The following VSIR variants were observed in gnomAD, a reference collection of about 807,000 sequenced individuals.
VSIR encodes the protein V-type immunoglobulin domain-containing suppressor of T-cell activation.
VSIR carries 10 observed loss-of-function variants against 31.0 expected under a neutral mutation model. That is an observed-to-expected ratio of 0.32 (90% CI 0.20 to 0.55). The LOEUF (loss-of-function observed/expected upper bound fraction) is 0.55. Ranked by LOEUF, VSIR falls within the 20% of genes least tolerant of loss-of-function variation. The pLI is 0.93. For missense variants in VSIR, 356 were observed against 416.2 expected, an observed-to-expected ratio of 0.86 and a Z score of 1.26; for synonymous variants, 179 against 180.1, an observed-to-expected ratio of 0.99 and a Z score of 0.05.
At chr10:71,762,528 C>T (rs1278896790) in intron 1 of VSIR, among the ~76,000 whole-genome samples, 1 of 152,264 alleles carries the variant, frequency 6.6e-6, no homozygotes, top group Non-Finnish European at 1.5e-5. Context: ...CTGCATCTCA[C>T]CTGCATGCTG....
In VSIR at chr10:71,755,387, G is replaced by A. The variant is rs1840111055; in HGVS notation, c.648C>T (p.Tyr216=). 1 of 1,613,198 alleles carries A rather than the reference G, an allele frequency of 6.2e-7. No homozygotes were observed. Residue 216 remains tyrosine, a synonymous_variant, in exon 4 of 7, where the codon TAC becomes TAT. Coordinates refer to ENST00000394957, the MANE Select transcript of VSIR (RefSeq NM_022153.2). ...LCLPLILLLV[Y]KQRQAASNRR... Reference sequence around the variant, plus strand: ...GGTTGGAGGCTGCCTGCCTTTGCTTGTAGACCAGGAGCAGGATGAGGGGGA... The same window carrying A: ...GGTTGGAGGCTGCCTGCCTTTGCTTATAGACCAGGAGCAGGATGAGGGGGA...
In VSIR at chr10:71,760,020, CAT is replaced by C. The variant is rs1176056853; in HGVS notation, c.568+846_568+847del. ...ACACATACATATATATACACACACA[CAT>C]ATATACACACACACACATATATACA... On this transcript the variant is annotated intron_variant, in intron 3 of 6. Coordinates refer to ENST00000394957, the MANE Select transcript of VSIR (RefSeq NM_022153.2). Among the ~76,000 whole-genome samples the C allele has an allele frequency of 3.4e-4, 31 of 91,280 alleles. 3 individuals are homozygous for C. In the East Asian group the frequency reaches 4.1e-3, roughly 12 times the overall value. 59.9% of individuals were successfully genotyped at this position (91,280 alleles called of 152,430 possible). A position where few individuals can be genotyped will look rare whatever the true frequency, so the allele number is the denominator to read the frequency against.
Position 71,749,410 on chromosome 10 carries a change from G to A in VSIR, c.*1843C>T, listed in dbSNP as rs1407465563. 1 of 152,192 alleles carries A rather than the reference G, an allele frequency of 6.6e-6. No individual in the cohort carries two copies. The highest frequency in any genetic ancestry group is 1.5e-5 in the Non-Finnish European group (1 of 68,066). The allele number at this position is 152,192 out of a possible 1,614,324, so 9.4% of individuals were successfully genotyped here. Reference sequence around the variant, plus strand: ...CAGCCTTGAACACCTGGGCTTAAGCGGTCCTTCCACCTCAGCCCTGCAAAG... The same window carrying A: ...CAGCCTTGAACACCTGGGCTTAAGCAGTCCTTCCACCTCAGCCCTGCAAAG... On this transcript the variant is annotated 3_prime_UTR_variant, in exon 7 of 7. Coordinates refer to ENST00000394957, the MANE Select transcript of VSIR (RefSeq NM_022153.2).
At position 71,761,620 on chromosome 10, in the gene VSIR, G is replaced by A; in HGVS notation, c.489C>T (p.Ala163=). The change falls in exon 2 of 7, where the codon GCC becomes GCT. Residue 163 remains alanine, a synonymous_variant. Transcript: ENST00000394957. The part of the protein sequence containing the change: ...HHHSEHRVHG[A]MELQVQTGKD... Reference sequence around the variant, plus strand: ...CACCTGTCTGCACCTGCAGCTCCATGGCACCATGGACCCTGTGCTCCGAGT... The same window carrying A: ...CACCTGTCTGCACCTGCAGCTCCATAGCACCATGGACCCTGTGCTCCGAGT... 2 of 1,599,706 alleles carry A rather than the reference G, an allele frequency of 1.3e-6. No individual in the cohort carries two copies. Among genetic ancestry groups the A allele is most frequent in the South Asian group, 1.1e-5 (1 of 89,808 alleles).
chr10:71,755,612 A>AG (rs1474842787), intron 3 of VSIR, 146 bp from the exon 4 acceptor site: 2 of 734,110 alleles, frequency 2.7e-6, no homozygotes, highest in African/African-American at 3.6e-5. Context: ...CAACCTACAG[A>AG]GGCATGGAAG....
chr10:71,773,314 C>G, intron 1 of VSIR, 44 bp downstream of exon 1: 1 of 1,560,148 alleles, frequency 6.4e-7, no homozygotes, highest in Non-Finnish European at 8.7e-7. Flanking sequence ...AGTCTGCTGT[C>G]TTCTCCCAGC....
rs1183979442 is a variant in VSIR, at chr10:71,758,007, C to T, written c.569-2541G>A. Among the ~76,000 whole-genome samples, 4 of 152,108 alleles carry T rather than the reference C, an allele frequency of 2.6e-5. No individual in the cohort carries two copies. The South Asian group carries it at 6.2e-4, about 24-fold the overall frequency. ...ACTTTCATGTTATTTCATAGTCAAG[C>T]TACACTCTTACTTCCCAAGGATAAC... On this transcript the variant is annotated intron_variant, in intron 3 of 6. Coordinates refer to ENST00000394957, the MANE Select transcript of VSIR (RefSeq NM_022153.2).
At chr10:71,763,873 G>A (rs1462627821) in intron 1 of VSIR, among the ~76,000 whole-genome samples, 2 of 152,168 alleles carry the variant, frequency 1.3e-5, no homozygotes, top group Non-Finnish European at 2.9e-5. Context: ...GCTAAGGTGT[G>A]AATGACTGAT....
chr10:71,773,478 G>A lies in VSIR; in HGVS notation c.-39C>T. 1.9e-6 allele frequency: 3 copies of A among 1,554,290 alleles called. No individual in the cohort carries two copies. Among genetic ancestry groups the A allele is most frequent in the Non-Finnish European group, 2.6e-6 (3 of 1,146,056 alleles). On this transcript the variant is annotated 5_prime_UTR_variant, in exon 1 of 7. Transcript: ENST00000394957. ...GCGCAGAGGAACTTCTGGTGCCGGG[G>A]AGCGGGCGGGACGCGGCCGGCGCGG...
chr10:71,767,270 G>C (rs556677722), intron 1 of VSIR, among the ~76,000 whole-genome samples: 53 of 152,320 alleles, frequency 3.5e-4, no homozygotes, highest in African/African-American at 1.2e-3. Context: ...GTGTGGACAG[G>C]CCTGTGTATT....
intron 3 of VSIR, 136 bp from the exon 4 acceptor site, chr10:71,755,602 C>A (rs901502281): frequency 9.0e-6 from 7 of 778,158 alleles, no homozygotes; most frequent in African/African-American, 8.8e-5. Context: ...AGACCCCCAG[C>A]AACCTACAGA....
chr10:71,764,682 A>C (rs1483743599), intron 1 of VSIR, among the ~76,000 whole-genome samples: 1 of 152,086 alleles, frequency 6.6e-6, no homozygotes, highest in Non-Finnish European at 1.5e-5. Context: ...CTCCCTAATA[A>C]TTCCACCTGG....
chr10:71,770,030 C>T (rs1220189518), intron 1 of VSIR, among the ~76,000 whole-genome samples: 1 of 152,216 alleles, frequency 6.6e-6, no homozygotes, highest in African/African-American at 2.4e-5. Flanking sequence ...CAGGGGCTCA[C>T]AGGTAGCTGG....
chr10:71,760,566 G>A (rs1840353709), intron 3 of VSIR: 1 of 297,878 alleles, frequency 3.4e-6, no homozygotes, highest in Admixed American at 4.7e-5. Context: ...GCGGCACTTA[G>A]CTGCCTGGGG....
intron 1 of VSIR, among the ~76,000 whole-genome samples, chr10:71,765,450 G>T (rs1044099314): frequency 1.3e-5 from 2 of 152,224 alleles, no homozygotes; most frequent in Non-Finnish European, 2.9e-5. Flanking sequence ...CCCTCAAGTG[G>T]ACAGAGGTGT....
chr10:71,756,342 C>T (rs1840147078), intron 3 of VSIR, among the ~76,000 whole-genome samples: 1 of 152,154 alleles, frequency 6.6e-6, no homozygotes, highest in Admixed American at 6.5e-5. Context: ...ATCTCTCTGT[C>T]TCCCCTGCCT....
chr10:71,771,364 C>G (rs954811328), intron 1 of VSIR, among the ~76,000 whole-genome samples: 1 of 152,240 alleles, frequency 6.6e-6, no homozygotes, highest in Admixed American at 6.5e-5. Context: ...AGCTGGAGAA[C>G]AGGCTGGCCC....
chr10:71,768,694 G>A (rs1840615555), intron 1 of VSIR, among the ~76,000 whole-genome samples: 1 of 151,406 alleles, frequency 6.6e-6, no homozygotes, highest in Admixed American at 6.6e-5. Flanking sequence ...CTGGTCCCCT[G>A]GCTTGAAACT....
At chr10:71,761,004 C>A (rs1235936641) in intron 2 of VSIR, 80 bp from the exon 3 acceptor site, 1 of 1,435,340 alleles carries the variant, frequency 7.0e-7, no homozygotes, top group Non-Finnish European at 9.8e-7. Flanking sequence ...CAGTGTCCCC[C>A]TCCTGCCCCA....
Sources: gnomAD v4.1 joint callset for allele counts (sites outside exome capture counted in the v4.1 genomes callset) on GRCh38, gnomAD v4.1.1 for gene constraint, MANE v1.5 for transcripts, NCBI Gene and HGNC (gene_info 2026-07-23, HGNC 2026-07-21) for gene names.